The following ADCK1 variants were observed in gnomAD, a reference collection of about 807,000 sequenced individuals.
ADCK1 encodes the protein aarF domain containing kinase 1.
ADCK1 carries 41 observed loss-of-function variants against 52.3 expected under a neutral mutation model. The observed-to-expected ratio is 0.78, with a 90% CI of 0.61 to 1.02. The LOEUF is 1.02. Ranked by LOEUF, ADCK1 falls within the 50% of genes least tolerant of loss-of-function variation. The pLI is 0.00. For missense variants in ADCK1, 658 were observed against 679.5 expected (o/e 0.97, Z 0.35); for synonymous variants, 250 against 274.6 (o/e 0.91, Z 0.89).
intron 3 of ADCK1, among the ~76,000 whole-genome samples, chr14:77,825,862 CCCTCT>C (rs1164791547): frequency 6.6e-6 from 1 of 152,108 alleles, no homozygotes; most frequent in Non-Finnish European, 1.5e-5. Context: ...GCTTCCCTGC[CCCTCT>C]TTCTCCAGCT....
intron 5 of ADCK1, among the ~76,000 whole-genome samples, chr14:77,889,251 A>G (rs2083228632): frequency 6.6e-6 from 1 of 152,254 alleles, no homozygotes; most frequent in Non-Finnish European, 1.5e-5. Flanking sequence ...ATACACATAC[A>G]TACCTATGAT....
chr14:77,855,390 G>C (rs896574261), intron 3 of ADCK1, among the ~76,000 whole-genome samples: 4 of 152,198 alleles, frequency 2.6e-5, no homozygotes, highest in Admixed American at 6.5e-5. Flanking sequence ...AGTAGGGGAA[G>C]GTTATGTAAC....
intron 4 of ADCK1, among the ~76,000 whole-genome samples, chr14:77,867,632 G>A: frequency 6.6e-6 from 1 of 152,174 alleles, no homozygotes; most frequent in Admixed American, 6.5e-5. Flanking sequence ...TGCGGGAGAG[G>A]CAAGGCAATG....
rs532960788 is a variant in ADCK1 at position 77,887,212 on chromosome 14, T to C, written c.545T>C (p.Val182Ala). 6.2e-7 allele frequency: 1 copy of C among 1,604,346 alleles called. No homozygotes were observed. The highest frequency in any genetic ancestry group is 1.3e-5 in the African/African-American group (1 of 74,478). Residue 182 changes from valine (V) to alanine (A), a missense_variant, in exon 5 of 11, where the codon GTG (valine) becomes GCG (alanine). Coordinates refer to ENST00000238561, the MANE Select transcript of ADCK1 (RefSeq NM_020421.4). ...TVAVKVQHPKVRAQSSKDILL... is the reference protein window; with the variant it reads ...TVAVKVQHPKARAQSSKDILL... ...GCCGTGAAGGTCCAGCACCCAAAGGTGCGGGCTCAGAGCTCGAAGGACATT... is the reference window on the plus strand; with the variant it reads ...GCCGTGAAGGTCCAGCACCCAAAGGCGCGGGCTCAGAGCTCGAAGGACATT...
At chr14:77,909,906 T>G (rs2083754684) in intron 7 of ADCK1, among the ~76,000 whole-genome samples, 1 of 152,166 alleles carries the variant, frequency 6.6e-6, no homozygotes, top group Non-Finnish European at 1.5e-5. Flanking sequence ...AATCAGAGTC[T>G]CAGAGAGAGA....
At chr14:77,856,019 G>A (rs2082409426) in intron 3 of ADCK1, among the ~76,000 whole-genome samples, 1 of 152,090 alleles carries the variant, frequency 6.6e-6, no homozygotes, top group African/African-American at 2.4e-5. Flanking sequence ...ATACCAGCCT[G>A]GGCAACATAG....
intron 3 of ADCK1, among the ~76,000 whole-genome samples, chr14:77,830,277 C>T (rs1192493105): frequency 6.6e-6 from 1 of 151,218 alleles, no homozygotes; most frequent in East Asian, 1.9e-4. Flanking sequence ...CCTCAGCCTC[C>T]CGAGTAGCTA....
intron 1 of ADCK1, among the ~76,000 whole-genome samples, chr14:77,816,881 AAT>A (rs71128689): frequency 0.044 from 4,829 of 109,982 alleles, 234 homozygotes; most frequent in African/African-American, 0.086. Flanking sequence ...GTAGATGGTA[AAT>A]ATATATATAT....
At chr14:77,932,083 C>G (rs1291575758) in intron 10 of ADCK1, among the ~76,000 whole-genome samples, 4 of 152,100 alleles carry the variant, frequency 2.6e-5, no homozygotes, top group African/African-American at 7.2e-5. Flanking sequence ...CAGTCTGACT[C>G]TGTCCCCCAG....
intron 4 of ADCK1, among the ~76,000 whole-genome samples, chr14:77,877,028 AAC>A (rs67478249): frequency 0.38 from 57,766 of 151,944 alleles, 11,720 homozygotes; most frequent in Admixed American, 0.51. Flanking sequence ...CATCCTGGCC[AAC>A]ACAGTGAAGC....
At chr14:77,909,535 C>T (rs1264274542) in intron 7 of ADCK1, among the ~76,000 whole-genome samples, 2 of 152,142 alleles carry the variant, frequency 1.3e-5, no homozygotes, top group Non-Finnish European at 2.9e-5. Context: ...CAGGAGAAAG[C>T]CATACCTTGG....
At chr14:77,812,380 AG>A (rs1170286663) in intron 1 of ADCK1, among the ~76,000 whole-genome samples, 4 of 142,024 alleles carry the variant, frequency 2.8e-5, no homozygotes, top group African/African-American at 1.1e-4. Flanking sequence ...GAGATCATGC[AG>A]TATTTGTCTT....
chr14:77,883,378 G>T (rs934723531), intron 4 of ADCK1, among the ~76,000 whole-genome samples: 2 of 145,852 alleles, frequency 1.4e-5, no homozygotes, highest in South Asian at 2.3e-4. Context: ...CTGATTGGAG[G>T]GGGGTGGTGT....
At chr14:77,832,772 G>C (rs2081884366) in intron 3 of ADCK1, among the ~76,000 whole-genome samples, 1 of 152,192 alleles carries the variant, frequency 6.6e-6, no homozygotes. Flanking sequence ...CCAGTTTTGA[G>C]GATAACCATC....
rs2081406891 is a variant in ADCK1 at position 77,814,714 on chromosome 14, A to G, written c.-11-4254A>G. On this transcript the variant is annotated intron_variant, in intron 1 of 10. Coordinates refer to ENST00000238561, the MANE Select transcript of ADCK1 (RefSeq NM_020421.4). The stretch of plus-strand genomic sequence containing the variant: ...CACTCTCAAAAAAAAAAAAAAAAAA[A>G]AAAAAGAAGAAAAATAGAAGTGTGG... Among the ~76,000 whole-genome samples, 3 of 150,540 alleles carry G rather than the reference A, an allele frequency of 2.0e-5. No homozygotes were observed. In the South Asian group the frequency reaches 6.3e-4, roughly 32 times the overall value.
intron 8 of ADCK1, 82 bp downstream of exon 8, chr14:77,924,688 A>G: frequency 6.4e-7 from 1 of 1,558,526 alleles, no homozygotes; most frequent in Non-Finnish European, 8.7e-7. Context: ...CAGAACCGGG[A>G]GGGAGATAGC....
rs531853809 is a variant in ADCK1, at chr14:77,887,232, G to A, written c.565G>A (p.Asp189Asn). Residue 189 changes from aspartate (D) to asparagine (N), a missense_variant, in exon 5 of 11, where the codon GAC becomes AAC. Transcript: ENST00000238561. ...HPKVRAQSSK[D>N]ILLMEVLVLA... ...AAAGGTGCGGGCTCAGAGCTCGAAG[G>A]ACATTCTCCTGATGGAGGTGAGAGC... is the stretch of plus-strand genomic sequence containing the variant. The A allele has an allele frequency of 1.3e-5, 20 of 1,586,000 alleles. No individual in the cohort carries two copies. The South Asian group carries it at 2.3e-4, about 18-fold the overall frequency.
At chr14:77,859,948 T>C (rs983735545) in intron 4 of ADCK1, among the ~76,000 whole-genome samples, 7 of 152,242 alleles carry the variant, frequency 4.6e-5, no homozygotes, top group Non-Finnish European at 1.0e-4. Flanking sequence ...GTTGTCTTAG[T>C]CCTCAGTGCT....
chr14:77,810,615 A>C (rs113707507), intron 1 of ADCK1, among the ~76,000 whole-genome samples: 11 of 148,540 alleles, frequency 7.4e-5, no homozygotes, highest in South Asian at 6.4e-4. Context: ...ACTGCAAGCT[A>C]TGCCTCCCGG....
Sources: allele counts gnomAD v4.1 joint callset (sites outside exome capture counted in the v4.1 genomes callset), GRCh38; gene constraint gnomAD v4.1.1; transcripts MANE v1.5; gene names NCBI Gene and HGNC (gene_info 2026-07-23, HGNC 2026-07-21).